Variants in CATSPER3 observed in about 807,000 individuals in gnomAD.
The protein encoded by CATSPER3 is cation channel sperm-associated protein 3.
In CATSPER3, 23 loss-of-function variants were observed where a neutral mutation model predicts 36.6. The ratio of observed to expected loss-of-function variants is 0.63; its 90% CI spans 0.45 to 0.89. The LOEUF is 0.89. CATSPER3 is among the 40% of genes least tolerant of loss of function. The pLI, the probability that CATSPER3 is intolerant of heterozygous loss-of-function variation, is 0.00. For synonymous variants in CATSPER3, 172 were observed against 184.1 expected (o/e 0.93, Z 0.53); for missense variants, 474 against 503.9 (o/e 0.94, Z 0.57).
intron 2 of CATSPER3, among the ~76,000 whole-genome samples, chr5:134,973,822 T>G: frequency 6.6e-6 from 1 of 152,172 alleles, no homozygotes; most frequent in Non-Finnish European, 1.5e-5. Flanking sequence ...AAATAATCTA[T>G]GAGGTTTTAA....
At chr5:134,974,936 T>C (rs1751649920) in intron 2 of CATSPER3, among the ~76,000 whole-genome samples, 1 of 152,136 alleles carries the variant, frequency 6.6e-6, no homozygotes, top group Non-Finnish European at 1.5e-5. Context: ...TAAGGGTCAC[T>C]AAGCATGTAT....
intron 3 of CATSPER3, among the ~76,000 whole-genome samples, chr5:135,000,272 A>G (rs558663965): frequency 6.6e-6 from 1 of 152,332 alleles, no homozygotes; most frequent in African/African-American, 2.4e-5. Flanking sequence ...GATGAAGCCC[A>G]CTTGATCATG....
intron 2 of CATSPER3, among the ~76,000 whole-genome samples, chr5:134,985,952 A>C (rs910729511): frequency 2.6e-5 from 4 of 151,978 alleles, no homozygotes; most frequent in Non-Finnish European, 5.9e-5. Flanking sequence ...AAATTTTAAA[A>C]AAATTTAAAA....
At chr5:135,008,246 C>T in intron 4 of CATSPER3, 107 bp downstream of exon 4, 2 of 918,738 alleles carry the variant, frequency 2.2e-6, no homozygotes, top group Non-Finnish European at 3.5e-6. Context: ...TTCCTCATGT[C>T]CAGGTACTCA....
intron 3 of CATSPER3, among the ~76,000 whole-genome samples, chr5:135,005,151 G>A (rs1752069405): frequency 6.6e-6 from 1 of 152,180 alleles, no homozygotes; most frequent in South Asian, 2.1e-4. Context: ...CAAGGCTGGG[G>A]GCACTTGCTG....
At chr5:134,996,533 A>C (rs747430321) in intron 3 of CATSPER3, 21 bp downstream of exon 3, 13 of 1,612,846 alleles carry the variant, frequency 8.1e-6, no homozygotes, top group Non-Finnish European at 1.1e-5. Flanking sequence ...TGGGGGTGTC[A>C]TGGTGCTGGG....
intron 5 of CATSPER3, 116 bp from the exon 6 acceptor site, chr5:135,009,255 G>T: frequency 8.6e-7 from 1 of 1,164,320 alleles, no homozygotes; most frequent in Non-Finnish European, 1.3e-6. Flanking sequence ...GCCCTGTGTG[G>T]GGAAAAGTGC....
chr5:135,009,765 GC>G (rs1752155393), intron 6 of CATSPER3, among the ~76,000 whole-genome samples: 1 of 152,210 alleles, frequency 6.6e-6, no homozygotes, highest in Admixed American at 6.5e-5. Flanking sequence ...GCCCTTTGGG[GC>G]CAGGCAATCT....
At chr5:134,987,760 A>G (rs1751829251) in intron 2 of CATSPER3, among the ~76,000 whole-genome samples, 1 of 152,250 alleles carries the variant, frequency 6.6e-6, no homozygotes, top group South Asian at 2.1e-4. Flanking sequence ...CTTTCATTAT[A>G]CAAAAAAAAT....
At chr5:135,004,612 A>AG (rs1580914647) in intron 3 of CATSPER3, among the ~76,000 whole-genome samples, 1 of 152,156 alleles carries the variant, frequency 6.6e-6, no homozygotes, top group East Asian at 1.9e-4. Context: ...CCAAGGGAGC[A>AG]GGGGCCAGGA....
intron 2 of CATSPER3, among the ~76,000 whole-genome samples, chr5:134,994,240 C>A (rs1338077733): frequency 6.6e-6 from 1 of 152,104 alleles, no homozygotes; most frequent in East Asian, 1.9e-4. Context: ...AGATGTCTTC[C>A]TGATCAATAA....
rs1561456299 is a variant in CATSPER3, at chr5:134,970,094, T to C, written c.252+2T>C. 1.2e-6 allele frequency: 2 copies of C among 1,613,940 alleles called. No individual in the cohort carries two copies. Among genetic ancestry groups the C allele is most frequent in the Non-Finnish European group, 1.7e-6 (2 of 1,179,854 alleles). ...TACCGCTTGTTCAGACTTCTTGAGG[T>C]AAGCAGACAAAATGGGTCCATTTTC... is the stretch of plus-strand genomic sequence containing the variant. On this transcript the variant is annotated splice_donor_variant, in intron 2 of 7. Coordinates refer to ENST00000282611, the MANE Select transcript of CATSPER3 (RefSeq NM_178019.3). LOFTEE classifies it high-confidence loss of function.
intron 2 of CATSPER3, among the ~76,000 whole-genome samples, chr5:134,980,271 C>A (rs1751734373): frequency 6.6e-6 from 1 of 151,118 alleles, no homozygotes; most frequent in Non-Finnish European, 1.5e-5. Flanking sequence ...CATGAGCCAC[C>A]ATGCCTAGCC....
At chr5:135,001,175 G>A (rs535752158) in intron 3 of CATSPER3, among the ~76,000 whole-genome samples, 92 of 152,112 alleles carry the variant, frequency 6.0e-4, no homozygotes, top group Admixed American at 3.4e-3. Context: ...CATTCATTTC[G>A]TTATGTAGTC....
chr5:135,009,380 A>C lies in CATSPER3; in HGVS notation c.826A>C (p.Arg276=). 1 of 1,613,566 alleles carries C rather than the reference A, an allele frequency of 6.2e-7. No individual in the cohort carries two copies. The highest frequency in any genetic ancestry group is 1.1e-5 in the South Asian group (1 of 91,080). Residue 276 remains arginine (R), a synonymous_variant, in exon 6 of 8, where the codon AGA becomes CGA. Coordinates refer to ENST00000282611, the MANE Select transcript of CATSPER3 (RefSeq NM_178019.3). ...TCGTCTGACTCTCTAGGACTCCATC[A>C]GAAAGTTTGAGCGAGAGCTGATGTT... The part of the protein sequence containing the change: ...VMIMHTEDSI[R]KFERELMLEQ...
At chr5:134,990,794 C>T (rs1232607234) in intron 2 of CATSPER3, among the ~76,000 whole-genome samples, 2 of 152,272 alleles carry the variant, frequency 1.3e-5, no homozygotes, top group East Asian at 3.9e-4. Context: ...TGCAATAAAA[C>T]AAGGGATGCC....
chr5:135,007,803 A>AACGC (rs1294121056), intron 3 of CATSPER3, among the ~76,000 whole-genome samples, 154 bp from the exon 4 acceptor site: 1 of 146,454 alleles, frequency 6.8e-6, no homozygotes, highest in African/African-American at 2.5e-5. Flanking sequence ...CCAACCAACC[A>AACGC]ACCCACCCAC....
At chr5:134,971,274 A>G (rs1248777775) in intron 2 of CATSPER3, among the ~76,000 whole-genome samples, 1 of 151,832 alleles carries the variant, frequency 6.6e-6, no homozygotes, top group East Asian at 1.9e-4. Flanking sequence ...AAAAAAAAAA[A>G]GTTGGGCATG....
At chr5:134,977,058 T>C (rs1376188185) in intron 2 of CATSPER3, among the ~76,000 whole-genome samples, 9 of 152,220 alleles carry the variant, frequency 5.9e-5, no homozygotes, top group Non-Finnish European at 8.8e-5. Context: ...CCTTGATCTC[T>C]GAAATGCCTT....
Sources: allele counts gnomAD v4.1 joint callset (sites outside exome capture counted in the v4.1 genomes callset), GRCh38; gene constraint gnomAD v4.1.1; transcripts MANE v1.5; gene names NCBI Gene and HGNC (gene_info 2026-07-23, HGNC 2026-07-21).